The following RUNX2 variants were observed in gnomAD, a reference collection of about 807,000 sequenced individuals.
RUNX2 encodes runt-related transcription factor 2.
A neutral mutation model predicts 51.7 loss-of-function variants in RUNX2; 10 were observed. That is an observed-to-expected ratio of 0.19 (90% CI 0.12 to 0.33). RUNX2 has a LOEUF of 0.33. Among genes scored for constraint, RUNX2 ranks in the 10% least tolerant of loss-of-function variants. The probability of loss-of-function intolerance (pLI) is 1.00; values close to 1 mark genes in which losing one functional copy is unlikely to be tolerated. For synonymous variants in RUNX2, 276 were observed against 273.6 expected (o/e 1.01, Z -0.09); for missense variants, 562 against 691.3 (o/e 0.81, Z 2.10).
At chr6:45,414,882 GGAA>G (rs1406329328) in intron 2 of RUNX2, among the ~76,000 whole-genome samples, 1 of 150,186 alleles carries the variant, frequency 6.7e-6, no homozygotes, top group Non-Finnish European at 1.5e-5. Flanking sequence ...GGGATTTCAT[GGAA>G]GATGTCAGGA....
chr6:45,391,272 G>A (rs1047928726), intron 2 of RUNX2, among the ~76,000 whole-genome samples: 9 of 152,160 alleles, frequency 5.9e-5, no homozygotes, highest in African/African-American at 2.2e-4. Flanking sequence ...CTTGGTAAAA[G>A]TGAGCTCTTG....
At chr6:45,379,877 A>C (rs937630853) in intron 2 of RUNX2, among the ~76,000 whole-genome samples, 3 of 152,132 alleles carry the variant, frequency 2.0e-5, no homozygotes, top group African/African-American at 7.2e-5. Context: ...AAAGAAAAAA[A>C]AAAATCACGC....
At chr6:45,428,391 C>T (rs1421410752) in intron 3 of RUNX2, among the ~76,000 whole-genome samples, 2 of 152,020 alleles carry the variant, frequency 1.3e-5, no homozygotes, top group African/African-American at 4.8e-5. Context: ...ACAGTACTTC[C>T]CCCAACTCCC....
intron 2 of RUNX2, among the ~76,000 whole-genome samples, chr6:45,345,169 G>T (rs541270095): frequency 7.2e-5 from 11 of 152,210 alleles, no homozygotes; most frequent in Admixed American, 3.3e-4. Flanking sequence ...AAAAATCTTT[G>T]ACACTTTATA....
At chr6:45,403,165 A>T in intron 2 of RUNX2, among the ~76,000 whole-genome samples, 1 of 148,266 alleles carries the variant, frequency 6.7e-6, no homozygotes, top group East Asian at 2.0e-4. Context: ...GATTTATTTT[A>T]TTTATCTTTA....
intron 5 of RUNX2, among the ~76,000 whole-genome samples, chr6:45,480,484 A>G (rs988514910): frequency 3.3e-5 from 5 of 152,210 alleles, no homozygotes; most frequent in African/African-American, 1.2e-4. Flanking sequence ...CAGACTTCTG[A>G]CAGACATAGC....
At chr6:45,412,543 G>A (rs116395964) in intron 2 of RUNX2, among the ~76,000 whole-genome samples, 1,542 of 152,094 alleles carry the variant, frequency 0.01, 30 homozygotes, top group African/African-American at 0.035. Context: ...TGTAGAAAGA[G>A]GTTTCACTTA....
intron 6 of RUNX2, among the ~76,000 whole-genome samples, chr6:45,499,485 T>C (rs1332164458): frequency 6.6e-6 from 1 of 152,204 alleles, no homozygotes. Context: ...TAGGACTCTG[T>C]GAAGGGCTGG....
At position 45,548,096 on chromosome 6, in the gene RUNX2, T is replaced by C. The variant is rs1386723525; in HGVS notation, c.*791T>C. Reference sequence around the variant, plus strand: ...ATTATTATAGCCATAATGGTATAGATAGTGATTGCGTTTGGCTATGTGTTG... The same window carrying C: ...ATTATTATAGCCATAATGGTATAGACAGTGATTGCGTTTGGCTATGTGTTG... On this transcript the variant is annotated 3_prime_UTR_variant, in exon 9 of 9. Transcript: ENST00000647337. The C allele has an allele frequency of 6.6e-6, 1 of 152,584 alleles. No homozygotes were observed. The allele number at this position is 152,584 out of a possible 1,614,324, so 9.5% of individuals were successfully genotyped here.
chr6:45,494,639 A>G (rs920512545), intron 6 of RUNX2, among the ~76,000 whole-genome samples: 2 of 152,144 alleles, frequency 1.3e-5, no homozygotes, highest in African/African-American at 4.8e-5. Context: ...AAATGTTCCC[A>G]TATTGTGAGT....
chr6:45,523,778 CAA>C (rs1483220866), intron 7 of RUNX2, among the ~76,000 whole-genome samples: 1 of 151,360 alleles, frequency 6.6e-6, no homozygotes, highest in Non-Finnish European at 1.5e-5. Flanking sequence ...ACTAAAAATA[CAA>C]AATTAGCCAG....
intron 8 of RUNX2, among the ~76,000 whole-genome samples, chr6:45,546,004 T>C (rs1802387527): frequency 6.6e-6 from 1 of 152,176 alleles, no homozygotes; most frequent in East Asian, 1.9e-4. Context: ...TGCTGGGGCC[T>C]GGGAGACGGG....
At chr6:45,386,109 C>A (rs945225079) in intron 2 of RUNX2, among the ~76,000 whole-genome samples, 2 of 150,026 alleles carry the variant, frequency 1.3e-5, no homozygotes, top group African/African-American at 4.9e-5. Flanking sequence ...CTCTTTTTGC[C>A]CAGGCTGGAG....
At position 45,379,297 on chromosome 6, in the gene RUNX2, T is replaced by A. The variant is rs1054574890; in HGVS notation, c.59-43296T>A. The stretch of plus-strand genomic sequence containing the variant: ...GTATAAGGGAAAGTAACAGAGTGAG[T>A]ATGGTGATAACTTCTTACATGGGAA... On this transcript the variant is annotated intron_variant, in intron 2 of 8. Coordinates refer to ENST00000647337, the MANE Select transcript of RUNX2 (RefSeq NM_001024630.4). Among the ~76,000 whole-genome samples the A allele has an allele frequency of 1.3e-5, 2 of 152,154 alleles. 1 individual carries two copies. The highest frequency in any genetic ancestry group is 2.9e-5 in the Non-Finnish European group (2 of 68,016).
chr6:45,455,795 C>A (rs1470116963), intron 5 of RUNX2, among the ~76,000 whole-genome samples: 2 of 152,214 alleles, frequency 1.3e-5, no homozygotes, highest in Non-Finnish European at 2.9e-5. Context: ...CTTAGAGAAA[C>A]TGCAATTATT....
In RUNX2 at chr6:45,548,896, C is replaced by T. The variant is rs1182819552; in HGVS notation, c.*1591C>T. 2.7e-6 allele frequency: 1 copy of T among 367,028 alleles called. No individual in the cohort carries two copies. The highest frequency in any genetic ancestry group is 4.9e-6 in the Non-Finnish European group (1 of 206,110). 22.7% of individuals were successfully genotyped at this position (367,028 alleles called of 1,614,324 possible). ...ATTTGCATTTAGAGGAGCAGAATGA[C>T]ATCACTGTCCTTTGGGAGTAGGTCC... is the stretch of plus-strand genomic sequence containing the variant. On this transcript the variant is annotated 3_prime_UTR_variant, in exon 9 of 9. Coordinates refer to ENST00000647337, the MANE Select transcript of RUNX2 (RefSeq NM_001024630.4).
chr6:45,535,419 A>G (rs1802000342), intron 7 of RUNX2, among the ~76,000 whole-genome samples: 1 of 152,058 alleles, frequency 6.6e-6, no homozygotes, highest in South Asian at 2.1e-4. Context: ...CCTGGCTAAC[A>G]CGGTGAAACC....
At chr6:45,542,066 C>G (rs1468303036) in intron 7 of RUNX2, among the ~76,000 whole-genome samples, 1 of 151,972 alleles carries the variant, frequency 6.6e-6, no homozygotes, top group East Asian at 1.9e-4. Flanking sequence ...AAACGTGACT[C>G]AGGATAAGCA....
intron 2 of RUNX2, among the ~76,000 whole-genome samples, chr6:45,405,043 C>A (rs74666152): frequency 5.5e-4 from 84 of 152,294 alleles, no homozygotes; most frequent in African/African-American, 2.0e-3. Context: ...ATGTAAATAA[C>A]CCTTTTTGTT....
Sources: allele counts gnomAD v4.1 joint callset (sites outside exome capture counted in the v4.1 genomes callset), GRCh38; gene constraint gnomAD v4.1.1; transcripts MANE v1.5; gene names NCBI Gene and HGNC (gene_info 2026-07-23, HGNC 2026-07-21).